The following AFAP1 variants were observed in gnomAD, a reference collection of about 807,000 sequenced individuals.
AFAP1 encodes the protein actin filament-associated protein 1.
In AFAP1, 75 loss-of-function variants were observed where a neutral mutation model predicts 93.9. The ratio of observed to expected loss-of-function variants is 0.80; its 90% CI spans 0.66 to 0.97. The LOEUF (loss-of-function observed/expected upper bound fraction) is 0.97, where lower values mean the gene tolerates loss of function less well. Ranked by LOEUF, AFAP1 falls within the 50% of genes least tolerant of loss-of-function variation. The pLI, the probability that AFAP1 is intolerant of heterozygous loss-of-function variation, is 0.00. For synonymous variants in AFAP1, 517 were observed against 430.7 expected, an observed-to-expected ratio of 1.20 and a Z score of -2.48; for missense variants, 1,201 against 1,050.8, an observed-to-expected ratio of 1.14 and a Z score of -1.98.
At chr4:7,771,658 G>C (rs929212019) in intron 16 of AFAP1, among the ~76,000 whole-genome samples, 1 of 152,194 alleles carries the variant, frequency 6.6e-6, no homozygotes, top group African/African-American at 2.4e-5. Flanking sequence ...TCAGGGCCTA[G>C]AGAAGTCAAG....
intron 11 of AFAP1, among the ~76,000 whole-genome samples, chr4:7,789,842 G>A (rs1175904565): frequency 3.9e-5 from 6 of 152,228 alleles, no homozygotes; most frequent in African/African-American, 7.2e-5. Context: ...GCTCCCAGCT[G>A]AGTGTGACTT....
intron 9 of AFAP1, among the ~76,000 whole-genome samples, chr4:7,809,282 C>A (rs1210908427): frequency 6.6e-6 from 1 of 151,368 alleles, no homozygotes; most frequent in Non-Finnish European, 1.5e-5. Context: ...AAAGGTTTTC[C>A]CATAATCCTT....
intron 16 of AFAP1, among the ~76,000 whole-genome samples, chr4:7,770,262 AG>A (rs1715233925): frequency 6.6e-6 from 1 of 152,188 alleles, no homozygotes. Context: ...GAGCTGGAGA[AG>A]GGGCCAGAGG....
chr4:7,888,180 G>T (rs938886101), intron 1 of AFAP1, among the ~76,000 whole-genome samples: 9 of 152,146 alleles, frequency 5.9e-5, no homozygotes, highest in African/African-American at 1.9e-4. Context: ...ACAAAAACTT[G>T]GATTTTCAAA....
At chr4:7,913,958 T>C (rs898306965) in intron 1 of AFAP1, among the ~76,000 whole-genome samples, 2 of 152,246 alleles carry the variant, frequency 1.3e-5, no homozygotes, top group African/African-American at 4.8e-5. Context: ...GTAATGTATG[T>C]GATCAGAGTA....
rs748110442 is a variant in AFAP1 at position 7,774,779 on chromosome 4, C to A, written c.2022G>T (p.Lys674Asn). 6.2e-7 allele frequency: 1 copy of A among 1,614,214 alleles called. No homozygotes were observed. Among genetic ancestry groups the A allele is most frequent in the South Asian group, 1.1e-5 (1 of 91,086 alleles). ...TAGCCGCTCGAAGGTCTTTTCTTTC[C>A]TTGCGGAGCTGGGCCAGCCTATTCC... ...ALRNRLAQLRKERKDLRAAIE... is the reference protein window; with the variant it reads ...ALRNRLAQLRNERKDLRAAIE... Residue 674 changes from lysine (K) to asparagine (N), a missense_variant, in exon 15 of 18, where the codon AAG becomes AAT. Transcript: ENST00000420658.
At chr4:7,766,198 G>C (rs1190885244) in intron 17 of AFAP1, among the ~76,000 whole-genome samples, 2 of 152,208 alleles carry the variant, frequency 1.3e-5, no homozygotes, top group Non-Finnish European at 2.9e-5. Flanking sequence ...GTTCTGCAAA[G>C]GGGAGGATGG....
intron 7 of AFAP1, among the ~76,000 whole-genome samples, chr4:7,818,229 C>T (rs1720655919): frequency 6.6e-6 from 1 of 152,214 alleles, no homozygotes; most frequent in Admixed American, 6.5e-5. Context: ...CTTCACACTT[C>T]ACCTGCACCA....
intron 10 of AFAP1, among the ~76,000 whole-genome samples, chr4:7,795,135 C>A (rs780476348): frequency 6.6e-6 from 1 of 152,084 alleles, no homozygotes; most frequent in Non-Finnish European, 1.5e-5. Context: ...AAAGGCCTCT[C>A]TAAAGGAAGG....
At chr4:7,911,432 C>T (rs1459734315) in intron 1 of AFAP1, among the ~76,000 whole-genome samples, 5 of 152,250 alleles carry the variant, frequency 3.3e-5, no homozygotes, top group African/African-American at 9.6e-5. Flanking sequence ...TCAGGCAGAA[C>T]TATGAATGTG....
intron 1 of AFAP1, among the ~76,000 whole-genome samples, chr4:7,896,974 C>T (rs1452054645): frequency 1.3e-5 from 2 of 152,080 alleles, no homozygotes; most frequent in Admixed American, 6.5e-5. Flanking sequence ...TTGTCACCTA[C>T]GTGGCTGGTC....
At chr4:7,795,805 A>G (rs1233051790) in intron 10 of AFAP1, among the ~76,000 whole-genome samples, 3 of 152,186 alleles carry the variant, frequency 2.0e-5, no homozygotes, top group Non-Finnish European at 4.4e-5. Context: ...TTTTAATACA[A>G]TTAATATCTA....
intron 6 of AFAP1, 49 bp downstream of exon 6, chr4:7,838,475 G>A: frequency 5.2e-6 from 8 of 1,544,012 alleles, no homozygotes; most frequent in Non-Finnish European, 7.0e-6. Context: ...ATGGATCTCA[G>A]AAAGGCATGT....
At chr4:7,771,211 T>C (rs1010114532) in intron 16 of AFAP1, among the ~76,000 whole-genome samples, 2 of 152,206 alleles carry the variant, frequency 1.3e-5, no homozygotes, top group African/African-American at 4.8e-5. Flanking sequence ...GAACAGTTTG[T>C]AGCACACAGA....
chr4:7,882,878 T>C (rs115146130), intron 1 of AFAP1, among the ~76,000 whole-genome samples: 2,493 of 150,144 alleles, frequency 0.017, 50 homozygotes, highest in African/African-American at 0.049. Context: ...GCAAAGGTGA[T>C]TCAATATTAG....
chr4:7,843,108 C>CA (rs1280714221), intron 5 of AFAP1, 31 bp downstream of exon 5: 2 of 1,607,418 alleles, frequency 1.2e-6, no homozygotes, highest in Non-Finnish European at 1.7e-6. Flanking sequence ...AGCAATCTTA[C>CA]AAAAAATGCA....
At chr4:7,906,556 C>T (rs577328230) in intron 1 of AFAP1, among the ~76,000 whole-genome samples, 1 of 152,188 alleles carries the variant, frequency 6.6e-6, no homozygotes, top group Non-Finnish European at 1.5e-5. Flanking sequence ...TGAACTCTGA[C>T]AGTATCACTC....
At chr4:7,778,282 T>G in intron 14 of AFAP1, 1 of 179,106 alleles carries the variant, frequency 5.6e-6, no homozygotes, top group Non-Finnish European at 1.2e-5. Flanking sequence ...GGATAACCAT[T>G]CCTCAGAACT....
At chr4:7,855,368 T>C (rs1714928446) in intron 4 of AFAP1, 98 bp downstream of exon 4, 6 of 947,000 alleles carry the variant, frequency 6.3e-6, no homozygotes, top group East Asian at 2.5e-5. Flanking sequence ...CAGTGTTTTA[T>C]AATACCCTGT....
Sources: allele counts gnomAD v4.1 joint callset (sites outside exome capture counted in the v4.1 genomes callset), GRCh38; gene constraint gnomAD v4.1.1; transcripts MANE v1.5; gene names NCBI Gene and HGNC (gene_info 2026-07-23, HGNC 2026-07-21).